Variants in ANKS1B observed in about 807,000 individuals in gnomAD.
ANKS1B encodes the protein ankyrin repeat and sterile alpha motif domain containing 1B.
A neutral mutation model predicts 148.3 loss-of-function variants in ANKS1B; 36 were observed. The observed-to-expected ratio is 0.24, with a 90% CI of 0.19 to 0.32. The LOEUF (loss-of-function observed/expected upper bound fraction) is 0.32. Among genes scored for constraint, ANKS1B ranks in the 10% least tolerant of loss-of-function variants. The probability of loss-of-function intolerance (pLI) is 1.00; values close to 1 mark genes in which losing one functional copy is unlikely to be tolerated. For missense variants in ANKS1B, 1,157 were observed against 1,542.6 expected (o/e 0.75, Z 4.19); for synonymous variants, 542 against 560.8 (o/e 0.97, Z 0.47).
intron 15 of ANKS1B, among the ~76,000 whole-genome samples, chr12:99,107,065 A>G (rs1361686654): frequency 2.0e-5 from 3 of 152,180 alleles, no homozygotes; most frequent in Admixed American, 6.5e-5. Flanking sequence ...CAGCAGAAGT[A>G]ATTACAGTAA....
At chr12:98,788,262 C>T (rs375368146) in intron 22 of ANKS1B, among the ~76,000 whole-genome samples, 2 of 115,418 alleles carry the variant, frequency 1.7e-5, no homozygotes, top group Non-Finnish European at 3.6e-5. Context: ...AGAAAACAGA[C>T]AAAAAAAAAA....
intron 8 of ANKS1B, among the ~76,000 whole-genome samples, chr12:99,767,549 A>G (rs1005055972): frequency 2.0e-5 from 3 of 152,158 alleles, no homozygotes; most frequent in Non-Finnish European, 4.4e-5. Context: ...AAAAAACATG[A>G]ATATAAGGCT....
chr12:99,210,504 C>A (rs2083208813), intron 14 of ANKS1B, among the ~76,000 whole-genome samples: 1 of 152,164 alleles, frequency 6.6e-6, no homozygotes, highest in Non-Finnish European at 1.5e-5. Flanking sequence ...CTAAGGGATC[C>A]TTTAGTCCAC....
chr12:99,753,040 A>C (rs2061256977), intron 8 of ANKS1B, among the ~76,000 whole-genome samples: 1 of 152,104 alleles, frequency 6.6e-6, no homozygotes, highest in South Asian at 2.1e-4. Context: ...ATATAGTATA[A>C]AGATTATAAA....
chr12:99,984,344 A>G lies in ANKS1B; in HGVS notation c.-107T>C, dbSNP rs1455951314. On this transcript the variant is annotated 5_prime_UTR_variant, in exon 1 of 27. Coordinates refer to ENST00000683438, the MANE Select transcript of ANKS1B (RefSeq NM_001352186.2). Reference sequence around the variant, plus strand: ...GCCCTCTTCGCCCCACCCTAAAATAATGCAAGAGCTTCAGCACGGAGAGCT... The same window carrying G: ...GCCCTCTTCGCCCCACCCTAAAATAGTGCAAGAGCTTCAGCACGGAGAGCT... 8.6e-6 allele frequency: 7 copies of G among 815,012 alleles called. No homozygotes were observed. In the African/African-American group the frequency reaches 1.3e-4, roughly 15 times the overall value. The allele number at this position is 815,012 out of a possible 1,614,324, so 50.5% of individuals were successfully genotyped here.
chr12:99,043,934 A>G (rs2099960669), intron 17 of ANKS1B, among the ~76,000 whole-genome samples: 1 of 152,224 alleles, frequency 6.6e-6, no homozygotes, highest in African/African-American at 2.4e-5. Context: ...TCCAGGTAAA[A>G]AAAATCTATC....
At chr12:99,772,297 T>C (rs963234895) in intron 8 of ANKS1B, among the ~76,000 whole-genome samples, 7 of 152,124 alleles carry the variant, frequency 4.6e-5, no homozygotes, top group African/African-American at 1.7e-4. Context: ...TACTTGCTCT[T>C]ACTCAACTAT....
At chr12:99,231,641 T>C (rs2086870477) in intron 14 of ANKS1B, among the ~76,000 whole-genome samples, 1 of 148,722 alleles carries the variant, frequency 6.7e-6, no homozygotes, top group Non-Finnish European at 1.5e-5. Flanking sequence ...AATAAGGAGA[T>C]TGTAAATACA....
intron 11 of ANKS1B, among the ~76,000 whole-genome samples, chr12:99,408,621 A>C (rs1170412879): frequency 6.8e-6 from 1 of 146,134 alleles, no homozygotes; most frequent in East Asian, 1.9e-4. Context: ...TAATAGCCAG[A>C]ATATGTAAGG....
chr12:99,466,924 T>C (rs1404618425), intron 10 of ANKS1B, among the ~76,000 whole-genome samples: 22 of 151,998 alleles, frequency 1.4e-4, no homozygotes, highest in African/African-American at 5.3e-4. Flanking sequence ...AGGGAATCCT[T>C]CCTAACTCAT....
chr12:99,135,438 G>C (rs1195101017), intron 15 of ANKS1B, among the ~76,000 whole-genome samples: 1 of 152,126 alleles, frequency 6.6e-6, no homozygotes, highest in East Asian at 1.9e-4. Flanking sequence ...GGATGAAAAA[G>C]ACACCCACTC....
chr12:99,418,014 A>G (rs1018691710), intron 11 of ANKS1B, among the ~76,000 whole-genome samples: 11 of 152,336 alleles, frequency 7.2e-5, no homozygotes, highest in African/African-American at 2.6e-4. Context: ...GAGAAATAGT[A>G]ACTTTCCCAA....
chr12:99,340,065 T>TTTTA (rs1043300462), intron 12 of ANKS1B, among the ~76,000 whole-genome samples: 2 of 152,158 alleles, frequency 1.3e-5, no homozygotes, highest in Non-Finnish European at 2.9e-5. Flanking sequence ...GGCATCCTCA[T>TTTTA]TTTATTTATT....
intron 14 of ANKS1B, among the ~76,000 whole-genome samples, chr12:99,238,051 C>T (rs1466319595): frequency 6.6e-6 from 1 of 152,132 alleles, no homozygotes; most frequent in Non-Finnish European, 1.5e-5. Flanking sequence ...ACTGGTTGGA[C>T]AGTGGGTGCA....
intron 17 of ANKS1B, among the ~76,000 whole-genome samples, chr12:98,922,203 C>T (rs2099802331): frequency 6.6e-6 from 1 of 152,160 alleles, no homozygotes. Flanking sequence ...ATATCATACC[C>T]CCAGAGGTAT....
chr12:98,993,700 T>C (rs1332507524), intron 17 of ANKS1B, among the ~76,000 whole-genome samples: 1 of 152,208 alleles, frequency 6.6e-6, no homozygotes, highest in Non-Finnish European at 1.5e-5. Context: ...GTGTGATATA[T>C]TTTGGTAATT....
At chr12:99,526,626 A>G (rs2096929258) in intron 9 of ANKS1B, among the ~76,000 whole-genome samples, 1 of 152,154 alleles carries the variant, frequency 6.6e-6, no homozygotes, top group African/African-American at 2.4e-5. Flanking sequence ...ATGAAACCCC[A>G]TGAAGCTTGA....
chr12:99,364,299 T>C lies in ANKS1B; in HGVS notation c.1756+35332A>G, dbSNP rs185753019. Among the ~76,000 whole-genome samples, 17 of 152,322 alleles carry C rather than the reference T, an allele frequency of 1.1e-4. No individual in the cohort carries two copies. In the East Asian group the frequency reaches 3.3e-3, roughly 29 times the overall value. ...TATATTTGTTTATTGTACATGTTTA[T>C]TGTACAATCAGTGCACATGAAGATT... is the stretch of plus-strand genomic sequence containing the variant. On this transcript the variant is annotated intron_variant, in intron 12 of 26. Coordinates refer to ENST00000683438, the MANE Select transcript of ANKS1B (RefSeq NM_001352186.2).
At chr12:99,444,562 G>A (rs1234422119) in intron 10 of ANKS1B, among the ~76,000 whole-genome samples, 1 of 151,692 alleles carries the variant, frequency 6.6e-6, no homozygotes, top group Admixed American at 6.6e-5. Context: ...TAACATCAAG[G>A]ATGCCATTTT....
Sources: gnomAD v4.1 joint callset for allele counts (sites outside exome capture counted in the v4.1 genomes callset) on GRCh38, gnomAD v4.1.1 for gene constraint, MANE v1.5 for transcripts, NCBI Gene and HGNC (gene_info 2026-07-23, HGNC 2026-07-21) for gene names.